ERLIN1: variants seen among roughly 807,000 people sequenced by gnomAD.
ERLIN1 encodes erlin-1.
ERLIN1 carries 24 observed loss-of-function variants against 46.9 expected under a neutral mutation model. The observed-to-expected ratio is 0.51, with a 90% CI of 0.37 to 0.72. ERLIN1 has a LOEUF of 0.72. Ranked by LOEUF, ERLIN1 falls within the 30% of genes least tolerant of loss-of-function variation. ERLIN1 has a pLI of 0.00. For missense variants in ERLIN1, 293 were observed against 417.9 expected (o/e 0.70, Z 2.61); for synonymous variants, 158 against 143.2 (o/e 1.10, Z -0.74).
rs1842818504 is a variant in ERLIN1 at position 100,151,905 on chromosome 10, A to G, written c.*226T>C. The G allele has an allele frequency of 1.8e-6, 1 of 567,710 alleles. No individual in the cohort carries two copies. The highest frequency in any genetic ancestry group is 2.0e-5 in the South Asian group (1 of 50,998). 35.2% of individuals were successfully genotyped at this position (567,710 alleles called of 1,614,324 possible). On this transcript the variant is annotated 3_prime_UTR_variant, in exon 11 of 11. Transcript: ENST00000421367. Reference sequence around the variant, plus strand: ...TCCTCATTCATGAGTAGCAGTTTAGAAAGGAATACATATAGGATACTTGAT... The same window carrying G: ...TCCTCATTCATGAGTAGCAGTTTAGGAAGGAATACATATAGGATACTTGAT...
rs554727266 is a variant in ERLIN1 at position 100,183,225 on chromosome 10, C to T, written c.195+531G>A. 3.9e-5 allele frequency among the ~76,000 whole-genome samples: 6 copies of T among 152,234 alleles called. No individual in the cohort carries two copies. In the East Asian group the frequency reaches 5.8e-4, roughly 15 times the overall value. On this transcript the variant is annotated intron_variant, in intron 2 of 10. Transcript: ENST00000421367. ...TGTCTCCCATGGCCAAGACACTTTT[C>T]GAGGATTAGACACTTATTTCAAATA... is the stretch of plus-strand genomic sequence containing the variant.
intron 5 of ERLIN1, among the ~76,000 whole-genome samples, chr10:100,175,433 A>G (rs547837047): frequency 8.3e-4 from 127 of 152,332 alleles, no homozygotes; most frequent in Admixed American, 1.7e-3. Context: ...CCTAGTAGAC[A>G]ACATTTCACA....
At chr10:100,154,762 A>C in intron 10 of ERLIN1, 98 bp downstream of exon 10, 1 of 931,012 alleles carries the variant, frequency 1.1e-6, no homozygotes, top group Non-Finnish European at 1.7e-6. Context: ...CACTTTCTTG[A>C]CAATGGATAA....
At chr10:100,171,303 A>T (rs1253773027) in intron 6 of ERLIN1, among the ~76,000 whole-genome samples, 1 of 152,230 alleles carries the variant, frequency 6.6e-6, no homozygotes, top group African/African-American at 2.4e-5. Context: ...CTATAAATAT[A>T]AAAAAGAGCT....
intron 5 of ERLIN1, 31 bp downstream of exon 5, chr10:100,175,914 T>A: frequency 6.2e-7 from 1 of 1,602,450 alleles, no homozygotes; most frequent in Non-Finnish European, 8.5e-7. Flanking sequence ...TCCAATTGGC[T>A]ATTTACATAC....
intron 6 of ERLIN1, among the ~76,000 whole-genome samples, chr10:100,167,935 T>G (rs2134138786): frequency 6.6e-6 from 1 of 152,372 alleles, no homozygotes; most frequent in Admixed American, 6.5e-5. Flanking sequence ...AACAGCCCAC[T>G]GGCTGAAGGA....
chr10:100,152,099 T>C lies in ERLIN1; in HGVS notation c.*32A>G, dbSNP rs1842831201. 1 of 1,402,652 alleles carries C rather than the reference T, an allele frequency of 7.1e-7. No homozygotes were observed. Among genetic ancestry groups the C allele is most frequent in the South Asian group, 1.2e-5 (1 of 86,692 alleles). The allele number at this position is 1,402,652 out of a possible 1,614,324, so 86.9% of individuals were successfully genotyped here. On this transcript the variant is annotated 3_prime_UTR_variant, in exon 11 of 11. Transcript: ENST00000421367. The stretch of plus-strand genomic sequence containing the variant: ...TTCCCACTTAACCCCTTGGGCCACA[T>C]CTTGATATGGAGAACATTTCCACCT...
chr10:100,184,148 A>G (rs1291054261), intron 1 of ERLIN1, among the ~76,000 whole-genome samples: 1 of 152,252 alleles, frequency 6.6e-6, no homozygotes, highest in African/African-American at 2.4e-5. Flanking sequence ...ATTTGTTTAA[A>G]AAATTCTAAT....
intron 8 of ERLIN1, among the ~76,000 whole-genome samples, chr10:100,162,820 T>C (rs1487224829): frequency 2.6e-5 from 4 of 152,218 alleles, no homozygotes; most frequent in Non-Finnish European, 5.9e-5. Context: ...ACTCATCTCA[T>C]TGAGGCTCAG....
At chr10:100,168,941 C>T (rs1843818039) in intron 6 of ERLIN1, among the ~76,000 whole-genome samples, 2 of 152,138 alleles carry the variant, frequency 1.3e-5, no homozygotes, top group Admixed American at 6.5e-5. Flanking sequence ...ACCTCGGCCT[C>T]CCAAAGTGCT....
chr10:100,167,015 G>C (rs994084923), intron 7 of ERLIN1, among the ~76,000 whole-genome samples: 1 of 152,084 alleles, frequency 6.6e-6, no homozygotes, highest in East Asian at 1.9e-4. Context: ...CAACCCTAAC[G>C]GCTTCAGGAC....
At chr10:100,179,126 C>T (rs1844484236) in intron 3 of ERLIN1, 75 bp downstream of exon 3, 1 of 1,148,636 alleles carries the variant, frequency 8.7e-7, no homozygotes, top group Admixed American at 2.0e-5. Flanking sequence ...TGAGATATGT[C>T]TAAGTGATCA....
At chr10:100,176,119 G>C in intron 4 of ERLIN1, 49 bp from the exon 5 acceptor site, 3 of 1,549,248 alleles carry the variant, frequency 1.9e-6, no homozygotes, top group Non-Finnish European at 2.6e-6. Flanking sequence ...AATGACACAG[G>C]TACCTTCAAA....
At chr10:100,173,998 A>G (rs575231981) in intron 6 of ERLIN1, among the ~76,000 whole-genome samples, 2 of 152,340 alleles carry the variant, frequency 1.3e-5, no homozygotes, top group South Asian at 2.1e-4. Flanking sequence ...GCCTCAGCTT[A>G]TCAGTTCCCT....
rs915917564 is a variant in ERLIN1 at position 100,186,006 on chromosome 10, C to G, written c.-380G>C. 7.1e-6 allele frequency: 3 copies of G among 419,756 alleles called. No individual in the cohort carries two copies. The highest frequency in any genetic ancestry group is 1.3e-5 in the Non-Finnish European group (3 of 239,260). 26.0% of individuals were successfully genotyped at this position (419,756 alleles called of 1,614,324 possible). ...CCCGCCCGCACGTGCAGCCGACTCC[C>G]GCGCCGAGCCAACCGCCGCCAACAG... On this transcript the variant is annotated 5_prime_UTR_variant, in exon 1 of 11. Coordinates refer to ENST00000421367, the MANE Select transcript of ERLIN1 (RefSeq NM_006459.4).
At chr10:100,163,121 C>G (rs1010160667) in intron 8 of ERLIN1, among the ~76,000 whole-genome samples, 7 of 152,084 alleles carry the variant, frequency 4.6e-5, no homozygotes, top group Non-Finnish European at 8.8e-5. Context: ...CCTAGATCTA[C>G]ATGTATCAAT....
chr10:100,158,637 T>C (rs997698520), intron 8 of ERLIN1, among the ~76,000 whole-genome samples: 22 of 152,040 alleles, frequency 1.4e-4, no homozygotes, highest in African/African-American at 4.8e-4. Context: ...TAAGGATTAA[T>C]CATAATGATC....
intron 2 of ERLIN1, among the ~76,000 whole-genome samples, chr10:100,183,425 T>A (rs1844775777): frequency 1.3e-5 from 2 of 152,212 alleles, no homozygotes; most frequent in African/African-American, 2.4e-5. Flanking sequence ...CTAAACCACA[T>A]AATCACTGGT....
chr10:100,178,397 T>G (rs1844441004), intron 3 of ERLIN1, among the ~76,000 whole-genome samples: 1 of 152,222 alleles, frequency 6.6e-6, no homozygotes, highest in Non-Finnish European at 1.5e-5. Context: ...TTAAAATAAG[T>G]AATTTAAAAA....
Sources: allele counts gnomAD v4.1 joint callset (sites outside exome capture counted in the v4.1 genomes callset), GRCh38; gene constraint gnomAD v4.1.1; transcripts MANE v1.5; gene names NCBI Gene and HGNC (gene_info 2026-07-23, HGNC 2026-07-21).